The following RPTOR variants were observed in gnomAD, a reference collection of about 807,000 sequenced individuals.
RPTOR encodes regulatory associated protein of MTOR complex 1, also known as regulatory-associated protein of mTOR.
In RPTOR, 21 loss-of-function variants were observed where a neutral mutation model predicts 169.9. That is an observed-to-expected ratio of 0.12 (90% confidence interval 0.09 to 0.18). The LOEUF (loss-of-function observed/expected upper bound fraction) is 0.18, where lower values mean the gene tolerates loss of function less well. Among genes scored for constraint, RPTOR ranks in the 10% least tolerant of loss-of-function variants. The pLI is 1.00. For synonymous variants in RPTOR, 732 were observed against 753.2 expected (o/e 0.97, Z 0.46); for missense variants, 1,133 against 1,855.9 (o/e 0.61, Z 7.16).
At chr17:80,711,228 T>C (rs2066187443) in intron 4 of RPTOR, among the ~76,000 whole-genome samples, 1 of 152,210 alleles carries the variant, frequency 6.6e-6, no homozygotes, top group African/African-American at 2.4e-5. Context: ...TCTTTTCTTG[T>C]TGATTATTCC....
chr17:80,888,312 G>A (rs994207576), intron 17 of RPTOR, among the ~76,000 whole-genome samples: 2 of 152,096 alleles, frequency 1.3e-5, no homozygotes, highest in African/African-American at 2.4e-5. Context: ...ATGGGGTCTC[G>A]CTGTGTTGCC....
intron 4 of RPTOR, among the ~76,000 whole-genome samples, chr17:80,720,085 T>C (rs1042953009): frequency 1.8e-4 from 27 of 152,258 alleles, no homozygotes; most frequent in African/African-American, 6.3e-4. Flanking sequence ...GCGGATCACC[T>C]GAGGTCAGGA....
intron 3 of RPTOR, among the ~76,000 whole-genome samples, chr17:80,705,507 A>G (rs553855153): frequency 2.4e-4 from 37 of 152,318 alleles, no homozygotes; most frequent in Middle Eastern, 3.4e-3. Flanking sequence ...TCCAAAGTAC[A>G]AGGTCTAGAA....
At chr17:80,841,626 G>A (rs1292632387) in intron 10 of RPTOR, among the ~76,000 whole-genome samples, 1 of 120,750 alleles carries the variant, frequency 8.3e-6, no homozygotes, top group East Asian at 2.7e-4. Context: ...CTCACCGCAG[G>A]GCAGCTGACA....
intron 1 of RPTOR, among the ~76,000 whole-genome samples, chr17:80,580,777 C>T (rs2065007172): frequency 6.6e-6 from 1 of 152,168 alleles, no homozygotes; most frequent in Admixed American, 6.5e-5. Flanking sequence ...TGCATGCCAC[C>T]ATACCCGGCT....
intron 4 of RPTOR, among the ~76,000 whole-genome samples, chr17:80,716,496 G>C (rs1192332652): frequency 6.6e-6 from 1 of 151,914 alleles, no homozygotes; most frequent in Non-Finnish European, 1.5e-5. Flanking sequence ...AGATTGTTAA[G>C]ATTTTCTCTC....
chr17:80,829,227 C>T (rs2067476741), intron 9 of RPTOR, among the ~76,000 whole-genome samples: 1 of 148,040 alleles, frequency 6.8e-6, no homozygotes, highest in South Asian at 2.1e-4. Flanking sequence ...TCATTACATA[C>T]TTCTTTACAT....
At chr17:80,665,670 G>C (rs918768716) in intron 3 of RPTOR, among the ~76,000 whole-genome samples, 1 of 150,886 alleles carries the variant, frequency 6.6e-6, no homozygotes, top group African/African-American at 2.4e-5. Flanking sequence ...TCAGCCTCCC[G>C]AGTAGCTGGG....
chr17:80,631,339 TG>T (rs1268829369), intron 2 of RPTOR, among the ~76,000 whole-genome samples: 1 of 152,060 alleles, frequency 6.6e-6, no homozygotes, highest in Non-Finnish European at 1.5e-5. Context: ...TCTCATGAAG[TG>T]GGGGTGCAGT....
At position 80,913,700 on chromosome 17, in the gene RPTOR, A is replaced by C. The variant is rs762044354; in HGVS notation, c.2520+4771A>C. Among the ~76,000 whole-genome samples, 3 of 152,068 alleles carry C rather than the reference A, an allele frequency of 2.0e-5. No homozygotes were observed. The South Asian group carries it at 6.2e-4, about 32-fold the overall frequency. On this transcript the variant is annotated intron_variant, in intron 21 of 33. Transcript: ENST00000306801. The stretch of plus-strand genomic sequence containing the variant: ...ACTCCTAGGCTCAAGTGATTCACCC[A>C]CATTTCCCTCCCAAAATGCCAGGAT...
intron 33 of RPTOR, 144 bp downstream of exon 33, chr17:80,963,201 G>A: frequency 1.2e-6 from 1 of 816,304 alleles, no homozygotes; most frequent in South Asian, 1.7e-5. Flanking sequence ...GACTTGCCTG[G>A]GTCCCAGGAT....
At chr17:80,617,016 A>G (rs2065317058) in intron 1 of RPTOR, among the ~76,000 whole-genome samples, 1 of 152,242 alleles carries the variant, frequency 6.6e-6, no homozygotes, top group Non-Finnish European at 1.5e-5. Flanking sequence ...ATAGACATAC[A>G]TGCACAACCA....
rs1317281377 is a variant in RPTOR at position 80,892,956 on chromosome 17, C to A, written c.2242+87C>A. On this transcript the variant is annotated intron_variant, in intron 19 of 33. Coordinates refer to ENST00000306801, the MANE Select transcript of RPTOR (RefSeq NM_020761.3). ...CTGTATCTGAGTAAGCACCACTCTGCCCCTGCCCCTTCGTCTAAGTGCGTG... is the reference window on the plus strand; with the variant it reads ...CTGTATCTGAGTAAGCACCACTCTGACCCTGCCCCTTCGTCTAAGTGCGTG... 11 of 1,479,286 alleles carry A rather than the reference C, an allele frequency of 7.4e-6. No individual in the cohort carries two copies. The Admixed American group carries it at 9.4e-5, about 13-fold the overall frequency. 91.6% of individuals were successfully genotyped at this position (1,479,286 alleles called of 1,614,324 possible).
intron 3 of RPTOR, among the ~76,000 whole-genome samples, chr17:80,670,127 T>C (rs2065810596): frequency 6.6e-6 from 1 of 152,184 alleles, no homozygotes; most frequent in African/African-American, 2.4e-5. Flanking sequence ...CTCAGTGAAA[T>C]CGACTGCAGA....
Position 80,565,702 on chromosome 17 carries a change from T to C in RPTOR, c.162+19911T>C, listed in dbSNP as rs550601333. Among the ~76,000 whole-genome samples, 44 of 147,984 alleles carry C rather than the reference T, an allele frequency of 3.0e-4. No homozygotes were observed. In the East Asian group the frequency reaches 8.3e-3, roughly 28 times the overall value. On this transcript the variant is annotated intron_variant, in intron 1 of 33. Transcript: ENST00000306801. ...CGGAGGGAGGCATGGGTGTGGGAGC[T>C]GTCTCGCTCTGTACTTTGTATCTCT...
rs75122694 is a variant in RPTOR at position 80,813,475 on chromosome 17, A to T, written c.891-8726A>T. ...TAAGGTTTCAATGCAGCGTTCATTG[A>T]GAAGCTGGATGAACTCATCACGCTT... On this transcript the variant is annotated intron_variant, in intron 7 of 33. Transcript: ENST00000306801. Among the ~76,000 whole-genome samples, 5 of 152,276 alleles carry T rather than the reference A, an allele frequency of 3.3e-5. No homozygotes were observed. In the East Asian group the frequency reaches 9.6e-4, roughly 29 times the overall value.
rs923671773 is a variant in RPTOR at position 80,726,053 on chromosome 17, A to G, written c.508-4507A>G. ...GTGTGGTGCACAGGGCAGCCCCACA[A>G]GGAGCGGCCCGGCCCCAAATGGCCC... On this transcript the variant is annotated intron_variant, in intron 4 of 33. Coordinates refer to ENST00000306801, the MANE Select transcript of RPTOR (RefSeq NM_020761.3). This position sits in a 1 kb window ranked among gnomAD's most constrained non-coding sequence, Gnocchi z 4.5. Among the ~76,000 whole-genome samples, 2 of 152,138 alleles carry G rather than the reference A, an allele frequency of 1.3e-5. No individual in the cohort carries two copies. Among genetic ancestry groups the G allele is most frequent in the South Asian group, 4.1e-4 (2 of 4,820 alleles).
intron 3 of RPTOR, among the ~76,000 whole-genome samples, chr17:80,685,612 TATATATATA>T (rs2065934602): frequency 5.1e-5 from 1 of 19,450 alleles, no homozygotes; most frequent in Non-Finnish European, 1.3e-4. Context: ...CATATATATA[TATATATATA>T]TATATATTTT....
intron 19 of RPTOR, among the ~76,000 whole-genome samples, chr17:80,893,395 G>GGTGTGT (rs3042650): frequency 0.033 from 4,566 of 139,082 alleles, 143 homozygotes; most frequent in African/African-American, 0.086. Flanking sequence ...TGCATGCCAG[G>GGTGTGT]GTGTGTGTGT....
Sources: gnomAD v4.1 joint callset for allele counts (sites outside exome capture counted in the v4.1 genomes callset) on GRCh38, gnomAD v4.1.1 for gene constraint, Gnocchi (gnomAD v3.1) non-coding constraint, MANE v1.5 for transcripts, NCBI Gene and HGNC (gene_info 2026-07-23, HGNC 2026-07-21) for gene names.